AMBRA1: variants seen among roughly 807,000 people sequenced by gnomAD.
AMBRA1 encodes autophagy and beclin 1 regulator 1.
In AMBRA1, 47 loss-of-function variants were observed where a neutral mutation model predicts 125.4. The ratio of observed to expected loss-of-function variants is 0.37; its 90% CI spans 0.30 to 0.48. The LOEUF (loss-of-function observed/expected upper bound fraction) is 0.48, where lower values mean the gene tolerates loss of function less well. Among genes scored for constraint, AMBRA1 ranks in the 20% least tolerant of loss-of-function variants. The probability of loss-of-function intolerance (pLI) is 0.99; values close to 1 mark genes in which losing one functional copy is unlikely to be tolerated. For synonymous variants in AMBRA1, 626 were observed against 655.5 expected, an observed-to-expected ratio of 0.95 and a Z score of 0.69; for missense variants, 1,331 against 1,693.4, an observed-to-expected ratio of 0.79 and a Z score of 3.76.
At chr11:46,420,548 A>G (rs1946801256) in intron 14 of AMBRA1, among the ~76,000 whole-genome samples, 1 of 152,230 alleles carries the variant, frequency 6.6e-6, no homozygotes, top group Non-Finnish European at 1.5e-5. Context: ...AAGATAACCA[A>G]TGGTTTCTGT....
In AMBRA1 at chr11:46,588,786, A is replaced by G. The variant is rs534750428; in HGVS notation, c.-121+5042T>C. Among the ~76,000 whole-genome samples the G allele has an allele frequency of 9.6e-3, 1,453 of 152,118 alleles. 14 individuals are homozygous for G. The highest frequency in any genetic ancestry group is 0.034 in the African/African-American group (1,401 of 41,474). On this transcript the variant is annotated intron_variant, in intron 1 of 17. Transcript: ENST00000683756. ...GCGAAACTCCATCTCAAAAAAAAAA[A>G]AAAAAAAGTATTATGATGGATGTTT...
Position 46,512,787 on chromosome 11 carries a change from G to C in AMBRA1, c.2099C>G (p.Ser700Ter). Residue 700 changes from serine (S) to a stop codon, truncating the protein, a stop_gained, in exon 8 of 18, where the codon TCA becomes TGA. Transcript: ENST00000683756. LOFTEE classifies it high-confidence loss of function. ...TCCTGCTCCATCATAACGGGATAAT[G>C]AAATGAGGGAAGATTCCAGCAGCCT... ...RRRLLESSLI[S>*]LSRYDGAGSR... 6.2e-7 allele frequency: 1 copy of C among 1,613,344 alleles called. No individual in the cohort carries two copies. Among genetic ancestry groups the C allele is most frequent in the Non-Finnish European group, 8.5e-7 (1 of 1,179,682 alleles).
Position 46,467,549 on chromosome 11 carries a change from C to CT in AMBRA1, c.2522-23952dup, listed in dbSNP as rs577671556. The stretch of plus-strand genomic sequence containing the variant: ...TCCTTTACTGTTACTCTATGTTACT[C>CT]TTTTTTTTTTTTTTTTTGGGATGGA... On this transcript the variant is annotated intron_variant, in intron 11 of 17. Transcript: ENST00000683756. Among the ~76,000 whole-genome samples, 1,290 of 134,226 alleles carry CT rather than the reference C, an allele frequency of 9.6e-3. 18 individuals are homozygous for CT. The highest frequency in any genetic ancestry group is 0.025 in the African/African-American group (929 of 36,506). 88.1% of individuals were successfully genotyped at this position (134,226 alleles called of 152,430 possible).
intron 14 of AMBRA1, 104 bp from the exon 15 acceptor site, chr11:46,418,156 G>T: frequency 1.7e-6 from 2 of 1,150,036 alleles, no homozygotes; most frequent in East Asian, 3.1e-5. Context: ...AGGAAAGGAG[G>T]TGGTTAGGCT....
rs1232243338 is a variant in AMBRA1 at position 46,397,900 on chromosome 11, G to C, written c.3447C>G (p.Ser1149Arg). 1.3e-6 allele frequency: 2 copies of C among 1,599,076 alleles called. No individual in the cohort carries two copies. Among genetic ancestry groups the C allele is most frequent in the East Asian group, 4.5e-5 (2 of 44,874 alleles). ...EYGASGEDAL[S>R]RIQRLMAEGG... is the part of the protein sequence containing the mutation. ...CCTCCGCCATCAGCCTCTGGATCCT[G>C]CTGAGCGCATCTTCTCCACTGGCAC... is the stretch of plus-strand genomic sequence containing the variant. The change falls in exon 18 of 18, where the codon AGC becomes AGG. Residue 1149 changes from serine (S) to arginine (R), a missense_variant. By Grantham distance (110) the Ser-to-Arg change is moderately radical. Around this residue, in one of 4 missense-constraint regions of AMBRA1, gnomAD observed 354 missense variants for 532.7 expected, o/e 0.66. Transcript: ENST00000683756.
chr11:46,406,820 T>C (rs1192752805), intron 17 of AMBRA1, among the ~76,000 whole-genome samples: 1 of 150,474 alleles, frequency 6.6e-6, no homozygotes, highest in Admixed American at 6.6e-5. Context: ...GAGGCAGAGG[T>C]TGCAGTAAGC....
intron 7 of AMBRA1, among the ~76,000 whole-genome samples, chr11:46,538,280 T>C (rs1952573032): frequency 6.6e-6 from 1 of 152,220 alleles, no homozygotes; most frequent in African/African-American, 2.4e-5. Context: ...AACTACTGTA[T>C]TAATATACTA....
At chr11:46,578,658 C>T (rs1241412245) in intron 1 of AMBRA1, among the ~76,000 whole-genome samples, 3 of 150,432 alleles carry the variant, frequency 2.0e-5, no homozygotes, top group African/African-American at 7.3e-5. Context: ...CCGAGGTGGG[C>T]GGATCACGAG....
chr11:46,583,553 A>C, intron 1 of AMBRA1, among the ~76,000 whole-genome samples: 6 of 134,774 alleles, frequency 4.5e-5, no homozygotes, highest in Non-Finnish European at 6.4e-5. Context: ...CTACCATCAG[A>C]GTGAACAGGC....
intron 11 of AMBRA1, among the ~76,000 whole-genome samples, chr11:46,479,732 G>C (rs1949980646): frequency 6.6e-6 from 1 of 152,126 alleles, no homozygotes; most frequent in African/African-American, 2.4e-5. Flanking sequence ...AAGAAGCACA[G>C]GTTAGTTTAC....
intron 11 of AMBRA1, among the ~76,000 whole-genome samples, chr11:46,477,946 G>A (rs1053491706): frequency 2.0e-5 from 3 of 151,282 alleles, no homozygotes; most frequent in Admixed American, 6.6e-5. Flanking sequence ...GCTAATTTTT[G>A]TATTTTAAAA....
Position 46,566,136 on chromosome 11 carries a change from T to C in AMBRA1, c.-120-17636A>G, listed in dbSNP as rs147850414. Among the ~76,000 whole-genome samples the C allele has an allele frequency of 6.7e-4, 102 of 152,104 alleles. 1 individual carries two copies. The highest frequency in any genetic ancestry group is 5.1e-3 in the Admixed American group (78 of 15,274). ...TGTGTAGCAATTAAAAAGAGTGGAATTGGTCAGGGCGCTAGCTCACACCTT... is the reference window on the plus strand; with the variant it reads ...TGTGTAGCAATTAAAAAGAGTGGAACTGGTCAGGGCGCTAGCTCACACCTT... On this transcript the variant is annotated intron_variant, in intron 1 of 17. Transcript: ENST00000683756.
chr11:46,444,117 A>G (rs1191378550), intron 11 of AMBRA1, among the ~76,000 whole-genome samples: 1 of 152,220 alleles, frequency 6.6e-6, no homozygotes, highest in African/African-American at 2.4e-5. Context: ...GGCAGCTACT[A>G]TACAGCTGAT....
At chr11:46,437,077 G>C (rs1947756730) in intron 12 of AMBRA1, among the ~76,000 whole-genome samples, 1 of 152,170 alleles carries the variant, frequency 6.6e-6, no homozygotes, top group Admixed American at 6.5e-5. Flanking sequence ...CAAACACCTA[G>C]AAGGCTATAG....
At chr11:46,479,291 C>T (rs980823334) in intron 11 of AMBRA1, among the ~76,000 whole-genome samples, 1 of 152,168 alleles carries the variant, frequency 6.6e-6, no homozygotes, top group African/African-American at 2.4e-5. Context: ...CAGCATGTTA[C>T]AGTAATGGCC....
chr11:46,576,316 C>T (rs1157169869), intron 1 of AMBRA1, among the ~76,000 whole-genome samples: 3 of 152,084 alleles, frequency 2.0e-5, no homozygotes, highest in Non-Finnish European at 4.4e-5. Context: ...GTTTTGTAGA[C>T]GGGGTCTCCG....
intron 1 of AMBRA1, among the ~76,000 whole-genome samples, chr11:46,567,197 G>A (rs1195816194): frequency 2.0e-5 from 3 of 151,620 alleles, no homozygotes; most frequent in Non-Finnish European, 2.9e-5. Context: ...TCAGCCTCCC[G>A]AGCAGCTGGA....
At chr11:46,491,141 T>C (rs1950445479) in intron 11 of AMBRA1, 1 of 152,208 alleles carries the variant, frequency 6.6e-6, no homozygotes. Context: ...AGGAACCATT[T>C]AAATAGAATA....
Position 46,493,643 on chromosome 11 carries a change from A to G in AMBRA1, c.2486T>C (p.Leu829Ser). ...GIFHERGQPG[L>S]ATHSSVNRVL... ...CCTGTTAACAGAAGAGTGAGTAGCCAAGCCAGGCTGTCCACGTTCATGAAA... is the reference window on the plus strand; with the variant it reads ...CCTGTTAACAGAAGAGTGAGTAGCCGAGCCAGGCTGTCCACGTTCATGAAA... The change falls in exon 11 of 18, where the codon TTG (leucine) becomes TCG (serine). Residue 829 changes from leucine (L) to serine (S), a missense_variant. By Grantham distance (145) the Leu-to-Ser change is moderately radical (BLOSUM62 -2). This residue lies in a region of AMBRA1 where 354 missense variants were observed against 532.7 expected (regional missense o/e 0.66). Transcript: ENST00000683756. 6.2e-7 allele frequency: 1 copy of G among 1,605,108 alleles called. No homozygotes were observed. Among genetic ancestry groups the G allele is most frequent in the Non-Finnish European group, 8.5e-7 (1 of 1,177,626 alleles).
Sources: gnomAD v4.1 joint callset for allele counts (sites outside exome capture counted in the v4.1 genomes callset) on GRCh38, gnomAD v4.1.1 for gene constraint, gnomAD v4.1.1 regional missense constraint, MANE v1.5 for transcripts, NCBI Gene and HGNC (gene_info 2026-07-23, HGNC 2026-07-21) for gene names.